Variants in RBMS1 observed in about 807,000 individuals in gnomAD.
The protein encoded by RBMS1 is RNA binding motif single stranded interacting protein 1.
RBMS1 carries 17 observed loss-of-function variants against 62.3 expected under a neutral mutation model. That is an observed-to-expected ratio of 0.27 (90% CI 0.19 to 0.41). RBMS1 has a LOEUF of 0.41. Ranked by LOEUF, RBMS1 falls within the 10% of genes least tolerant of loss-of-function variation. The pLI is 1.00. For synonymous variants in RBMS1, 172 were observed against 170.0 expected (o/e 1.01, Z -0.09); for missense variants, 334 against 504.5 (o/e 0.66, Z 3.24).
chr2:160,450,482 G>A (rs1375955612), intron 1 of RBMS1, among the ~76,000 whole-genome samples: 3 of 144,620 alleles, frequency 2.1e-5, no homozygotes, highest in African/African-American at 7.7e-5. Context: ...GGAGGCTGCA[G>A]TGAGCCAAGA....
intron 1 of RBMS1, among the ~76,000 whole-genome samples, chr2:160,438,883 G>C (rs542093214): frequency 6.6e-6 from 1 of 151,470 alleles, no homozygotes; most frequent in Admixed American, 6.6e-5. Context: ...CTGGCCGGAC[G>C]GGGGGCTGAC....
At chr2:160,371,836 G>A (rs981352306) in intron 1 of RBMS1, among the ~76,000 whole-genome samples, 7 of 152,060 alleles carry the variant, frequency 4.6e-5, no homozygotes, top group Non-Finnish European at 5.9e-5. Context: ...CCTCCTTCCC[G>A]CCAGAAGCCC....
chr2:160,329,466 C>T (rs1426618656), intron 2 of RBMS1, among the ~76,000 whole-genome samples: 2 of 152,144 alleles, frequency 1.3e-5, no homozygotes, highest in Non-Finnish European at 2.9e-5. Context: ...GCAAACTACC[C>T]TGTCCTTAGA....
intron 1 of RBMS1, among the ~76,000 whole-genome samples, chr2:160,426,772 T>A (rs914085282): frequency 6.6e-6 from 1 of 152,200 alleles, no homozygotes; most frequent in Non-Finnish European, 1.5e-5. Context: ...CGCCACCTCA[T>A]TCCGGGTGAC....
intron 1 of RBMS1, among the ~76,000 whole-genome samples, chr2:160,397,175 G>A (rs188159446): frequency 7.2e-4 from 109 of 152,042 alleles, no homozygotes; most frequent in African/African-American, 2.5e-3. Context: ...TACTGCTTGA[G>A]TCATCCTTGC....
intron 1 of RBMS1, among the ~76,000 whole-genome samples, chr2:160,371,037 T>G (rs1014925591): frequency 3.3e-5 from 5 of 152,230 alleles, no homozygotes; most frequent in African/African-American, 1.2e-4. Context: ...TTCAGCATAT[T>G]ACTGCTAAAC....
At chr2:160,354,004 C>T (rs1392874705) in intron 2 of RBMS1, among the ~76,000 whole-genome samples, 4 of 151,980 alleles carry the variant, frequency 2.6e-5, no homozygotes, top group South Asian at 2.1e-4. Flanking sequence ...AAACAAGAGG[C>T]GGGGCCAGGT....
chr2:160,325,714 T>C (rs554121620), intron 2 of RBMS1, among the ~76,000 whole-genome samples: 1 of 152,290 alleles, frequency 6.6e-6, no homozygotes, highest in South Asian at 2.1e-4. Flanking sequence ...GGCCTAAAAA[T>C]AGTAGAAAGG....
intron 6 of RBMS1, among the ~76,000 whole-genome samples, chr2:160,298,117 G>A (rs1689033092): frequency 6.6e-6 from 1 of 152,220 alleles, no homozygotes; most frequent in South Asian, 2.1e-4. Flanking sequence ...AAGGGAGGGA[G>A]AAGGTAGATT....
At chr2:160,462,265 A>C (rs948678579) in intron 1 of RBMS1, among the ~76,000 whole-genome samples, 1 of 152,214 alleles carries the variant, frequency 6.6e-6, no homozygotes, top group African/African-American at 2.4e-5. Context: ...TGGACACTCA[A>C]GCATTTGACC....
At chr2:160,408,360 A>T in intron 1 of RBMS1, 1 of 151,908 alleles carries the variant, frequency 6.6e-6, no homozygotes, top group African/African-American at 2.4e-5. Flanking sequence ...TACTTCAACG[A>T]ACACACGACC....
At chr2:160,424,260 C>T (rs1296404664) in intron 1 of RBMS1, among the ~76,000 whole-genome samples, 1 of 151,904 alleles carries the variant, frequency 6.6e-6, no homozygotes, top group African/African-American at 2.4e-5. Flanking sequence ...CTCAAATGAT[C>T]CACCCGCCTC....
At chr2:160,362,945 C>T (rs996377534) in intron 2 of RBMS1, among the ~76,000 whole-genome samples, 1 of 152,084 alleles carries the variant, frequency 6.6e-6, no homozygotes, top group African/African-American at 2.4e-5. Context: ...AGAGCTTCTT[C>T]CTCCTTTGTT....
At chr2:160,281,225 A>G (rs921027313) in intron 10 of RBMS1, 89 bp downstream of exon 10, 60 of 1,032,964 alleles carry the variant, frequency 5.8e-5, no homozygotes, top group African/African-American at 1.2e-4. Context: ...CCCAAATCCT[A>G]TACCACCCTT....
chr2:160,434,089 G>A lies in RBMS1; in HGVS notation c.75+59200C>T, dbSNP rs144440163. ...AAATTGTGTTTAAATTGAGAAAAGG[G>A]CATATACTAGTCAAATGACTTCGAT... On this transcript the variant is annotated intron_variant, in intron 1 of 13. Coordinates refer to ENST00000348849, the MANE Select transcript of RBMS1 (RefSeq NM_016836.4). Among the ~76,000 whole-genome samples the A allele has an allele frequency of 7.2e-5, 11 of 152,262 alleles. No individual in the cohort carries two copies. The East Asian group carries it at 2.1e-3, about 29-fold the overall frequency.
chr2:160,440,874 T>C (rs1683383024), intron 1 of RBMS1, among the ~76,000 whole-genome samples: 1 of 152,250 alleles, frequency 6.6e-6, no homozygotes, highest in Non-Finnish European at 1.5e-5. Flanking sequence ...TAGATTGTTT[T>C]GCTTTTTAAA....
intron 1 of RBMS1, among the ~76,000 whole-genome samples, chr2:160,465,958 C>A (rs1449919921): frequency 6.6e-6 from 1 of 151,874 alleles, no homozygotes; most frequent in African/African-American, 2.4e-5. Flanking sequence ...ACACAGCCTC[C>A]CTGTCATGAT....
intron 1 of RBMS1, among the ~76,000 whole-genome samples, chr2:160,370,926 A>G (rs573799346): frequency 6.6e-6 from 1 of 152,346 alleles, no homozygotes; most frequent in South Asian, 2.1e-4. Flanking sequence ...GTTAAGTATT[A>G]AAAAAACAAA....
rs142763787 is a variant in RBMS1, at chr2:160,467,689, T to C, written c.75+25600A>G. 1.6e-3 allele frequency among the ~76,000 whole-genome samples: 237 copies of C among 152,250 alleles called. 2 individuals are homozygous for C. Among genetic ancestry groups the C allele is most frequent in the African/African-American group, 5.3e-3 (221 of 41,544 alleles). ...AGTTTTCATCAGGTCTAAAATGCCA[T>C]CAACAGTAGGATACACCATTAGTCT... is the stretch of plus-strand genomic sequence containing the variant. On this transcript the variant is annotated intron_variant, in intron 1 of 13. Transcript: ENST00000348849.
Sources: gnomAD v4.1 joint callset for allele counts (sites outside exome capture counted in the v4.1 genomes callset) on GRCh38, gnomAD v4.1.1 for gene constraint, MANE v1.5 for transcripts, NCBI Gene and HGNC (gene_info 2026-07-23, HGNC 2026-07-21) for gene names.